HPSE2: variants seen among roughly 807,000 people sequenced by gnomAD.
HPSE2 encodes the protein inactive heparanase-2.
HPSE2 carries 38 observed loss-of-function variants against 60.5 expected under a neutral mutation model. The ratio of observed to expected loss-of-function variants is 0.63; its 90% CI spans 0.48 to 0.82. HPSE2 has a LOEUF of 0.82. HPSE2 is among the 40% of genes least tolerant of loss of function. The pLI, the probability that HPSE2 is intolerant of heterozygous loss-of-function variation, is 0.00. For missense variants in HPSE2, 713 were observed against 740.4 expected (o/e 0.96, Z 0.43); for synonymous variants, 295 against 293.2 (o/e 1.01, Z -0.06).
chr10:99,236,996 C>T (rs1354883577), upstream of HPSE2, among the ~76,000 whole-genome samples: 1 of 152,112 alleles, frequency 6.6e-6, no homozygotes, highest in Non-Finnish European at 1.5e-5. Flanking sequence ...ATCTCGGCCC[C>T]CAGTCAAAAC....
intron 2 of HPSE2, among the ~76,000 whole-genome samples, chr10:99,207,213 G>C (rs781507799): frequency 1.3e-5 from 2 of 152,110 alleles, no homozygotes; most frequent in South Asian, 4.1e-4. Flanking sequence ...AGACTTCTCA[G>C]CAGAAACTTT....
intron 3 of HPSE2, among the ~76,000 whole-genome samples, chr10:98,780,335 A>C (rs1326148767): frequency 6.6e-6 from 1 of 152,158 alleles, no homozygotes; most frequent in Non-Finnish European, 1.5e-5. Flanking sequence ...GCAATGATTA[A>C]ATAAATAGCT....
chr10:98,607,952 T>G (rs1050160546), intron 9 of HPSE2, among the ~76,000 whole-genome samples: 3 of 152,214 alleles, frequency 2.0e-5, no homozygotes, highest in African/African-American at 7.2e-5. Flanking sequence ...ACAAAGTGAC[T>G]TTATAAATAA....
At chr10:98,950,450 A>C (rs1423793480) in intron 3 of HPSE2, among the ~76,000 whole-genome samples, 6 of 152,186 alleles carry the variant, frequency 3.9e-5, no homozygotes, top group African/African-American at 1.4e-4. Context: ...TCATTGAAAT[A>C]CATTAGAAGG....
At chr10:98,812,834 T>A (rs2134577682) in intron 3 of HPSE2, among the ~76,000 whole-genome samples, 1 of 152,252 alleles carries the variant, frequency 6.6e-6, no homozygotes. Context: ...CATAAAAGCT[T>A]TTTTACAATA....
chr10:99,305,979 G>GCGCGCACGCACACACACA, the HPSE2 span, among the ~76,000 whole-genome samples: 1 of 80,580 alleles, frequency 1.2e-5, no homozygotes, highest in African/African-American at 5.4e-5. Flanking sequence ...GCGCGCGCGC[G>GCGCGCACGCACACACACA]CACACACACA....
intron 9 of HPSE2, among the ~76,000 whole-genome samples, chr10:98,610,232 G>A (rs1408663136): frequency 6.6e-6 from 1 of 152,142 alleles, no homozygotes; most frequent in Non-Finnish European, 1.5e-5. Flanking sequence ...TTTAAGCCCT[G>A]TGTCCACACC....
intron 3 of HPSE2, among the ~76,000 whole-genome samples, chr10:98,970,495 C>T (rs749375497): frequency 1.3e-5 from 2 of 152,100 alleles, no homozygotes; most frequent in African/African-American, 2.4e-5. Flanking sequence ...ATTATGGAAA[C>T]GTCTTTGCCC....
intron 3 of HPSE2, among the ~76,000 whole-genome samples, chr10:99,123,507 TC>T (rs939643003): frequency 7.9e-5 from 12 of 152,208 alleles, no homozygotes; most frequent in African/African-American, 2.4e-4. Flanking sequence ...AGCTCTTCTC[TC>T]CTTATCGCTT....
At chr10:98,953,654 A>G (rs1955430285) in intron 3 of HPSE2, among the ~76,000 whole-genome samples, 1 of 152,134 alleles carries the variant, frequency 6.6e-6, no homozygotes, top group African/African-American at 2.4e-5. Flanking sequence ...GATGGTTAAG[A>G]CATATTTGTA....
intron 5 of HPSE2, among the ~76,000 whole-genome samples, chr10:98,718,309 A>C (rs1041996945): frequency 6.6e-6 from 1 of 152,196 alleles, no homozygotes; most frequent in South Asian, 2.1e-4. Context: ...TGATCCCTGA[A>C]GATACTAAAT....
At chr10:98,818,989 C>T (rs11189832) in intron 3 of HPSE2, among the ~76,000 whole-genome samples, 1,737 of 152,288 alleles carry the variant, frequency 0.011, 17 homozygotes, top group Non-Finnish European at 0.018. Flanking sequence ...GCTTCACCAT[C>T]TTTCTATCCC....
chr10:98,722,698 A>G (rs1948958410), intron 4 of HPSE2, among the ~76,000 whole-genome samples: 1 of 152,172 alleles, frequency 6.6e-6, no homozygotes, highest in Non-Finnish European at 1.5e-5. Flanking sequence ...AAAGGGGAGA[A>G]AAATTCCCTG....
chr10:99,120,482 T>TC (rs1340548808), intron 3 of HPSE2, among the ~76,000 whole-genome samples: 1 of 151,932 alleles, frequency 6.6e-6, no homozygotes, highest in Admixed American at 6.6e-5. Flanking sequence ...TTCTAATTTT[T>TC]TTTTTTTTGA....
At chr10:99,152,077 C>G (rs1490558420) in intron 2 of HPSE2, among the ~76,000 whole-genome samples, 1 of 151,610 alleles carries the variant, frequency 6.6e-6, no homozygotes, top group Non-Finnish European at 1.5e-5. Flanking sequence ...TTTGGGAGGC[C>G]GAGGCGGGCA....
At chr10:99,153,678 T>C (rs1437177673) in intron 2 of HPSE2, among the ~76,000 whole-genome samples, 1 of 152,056 alleles carries the variant, frequency 6.6e-6, no homozygotes, top group Non-Finnish European at 1.5e-5. Flanking sequence ...AACTGGAAAT[T>C]CTAAAAAGCA....
At chr10:99,212,020 T>C (rs1440685671) in intron 2 of HPSE2, among the ~76,000 whole-genome samples, 1 of 152,046 alleles carries the variant, frequency 6.6e-6, no homozygotes, top group Non-Finnish European at 1.5e-5. Context: ...TATTTTTAAA[T>C]GGGCAAAGTC....
At chr10:98,947,483 C>A (rs1020135139) in intron 3 of HPSE2, among the ~76,000 whole-genome samples, 4 of 152,226 alleles carry the variant, frequency 2.6e-5, no homozygotes, top group Admixed American at 1.3e-4. Flanking sequence ...AGAGAAGTAG[C>A]TCCTGCTGAC....
intron 3 of HPSE2, among the ~76,000 whole-genome samples, chr10:98,759,261 T>C (rs1278954929): frequency 2.0e-5 from 3 of 152,078 alleles, no homozygotes; most frequent in Non-Finnish European, 4.4e-5. Context: ...AGTGATGAAA[T>C]AATTTGTATG....
Sources: gnomAD v4.1 joint callset for allele counts (sites outside exome capture counted in the v4.1 genomes callset) on GRCh38, gnomAD v4.1.1 for gene constraint, MANE v1.5 for transcripts, NCBI Gene and HGNC (gene_info 2026-07-23, HGNC 2026-07-21) for gene names.